SH3RF3: variants seen among roughly 807,000 people sequenced by gnomAD.
The protein encoded by SH3RF3 is SH3 domain containing ring finger 3, also known as E3 ubiquitin-protein ligase SH3RF3.
SH3RF3 carries 29 observed loss-of-function variants against 66.3 expected under a neutral mutation model. That is an observed-to-expected ratio of 0.44 (90% CI 0.33 to 0.60). The LOEUF (loss-of-function observed/expected upper bound fraction) is 0.60, where lower values mean the gene tolerates loss of function less well. SH3RF3 is among the 20% of genes least tolerant of loss of function. The pLI is 0.04. For missense variants in SH3RF3, 1,194 were observed against 1,190.9 expected (o/e 1.00, Z -0.04); for synonymous variants, 583 against 532.0 (o/e 1.10, Z -1.32).
chr2:109,329,664 C>T (rs1167889619), intron 1 of SH3RF3, among the ~76,000 whole-genome samples: 1 of 152,108 alleles, frequency 6.6e-6, no homozygotes, highest in Admixed American at 6.5e-5. Flanking sequence ...TTTCTAGAGG[C>T]TGCAAGAGGG....
chr2:109,135,123 A>C (rs376969205), intron 1 of SH3RF3, among the ~76,000 whole-genome samples: 19 of 152,226 alleles, frequency 1.2e-4, no homozygotes, highest in Middle Eastern at 3.2e-3. Flanking sequence ...GACAACACCC[A>C]GTAGTGGAGA....
intron 1 of SH3RF3, among the ~76,000 whole-genome samples, chr2:109,213,808 G>T (rs1253506273): frequency 1.3e-5 from 2 of 152,220 alleles, no homozygotes; most frequent in Non-Finnish European, 1.5e-5. Flanking sequence ...GTGTGGTGTG[G>T]TGTGGTGGAT....
At chr2:109,225,183 C>T (rs1679344240) in intron 1 of SH3RF3, among the ~76,000 whole-genome samples, 1 of 152,172 alleles carries the variant, frequency 6.6e-6, no homozygotes, top group Admixed American at 6.5e-5. Flanking sequence ...TCTGCTAGTT[C>T]TGAGATTCTA....
chr2:109,248,729 T>C (rs72937586), intron 1 of SH3RF3, among the ~76,000 whole-genome samples: 2,980 of 152,222 alleles, frequency 0.02, 108 homozygotes, highest in African/African-American at 0.068. Context: ...CCTTCTTTTC[T>C]TTCTTCCTTT....
chr2:109,274,957 T>C (rs1156811494), intron 1 of SH3RF3, among the ~76,000 whole-genome samples: 1 of 152,114 alleles, frequency 6.6e-6, no homozygotes, highest in Non-Finnish European at 1.5e-5. Context: ...TTTAAAATGG[T>C]TAATTTCCTG....
intron 2 of SH3RF3, among the ~76,000 whole-genome samples, chr2:109,358,924 A>G (rs1198640626): frequency 6.6e-6 from 1 of 152,158 alleles, no homozygotes; most frequent in Non-Finnish European, 1.5e-5. Flanking sequence ...TATATTTTAC[A>G]TTTAGGTCTG....
At chr2:109,371,218 A>G (rs1007952271) in intron 2 of SH3RF3, among the ~76,000 whole-genome samples, 2 of 152,192 alleles carry the variant, frequency 1.3e-5, no homozygotes, top group Non-Finnish European at 2.9e-5. Context: ...GCAAGACACC[A>G]TCTCTACCAA....
chr2:109,412,668 G>A (rs1003626237), intron 4 of SH3RF3, among the ~76,000 whole-genome samples: 6 of 152,338 alleles, frequency 3.9e-5, no homozygotes, highest in African/African-American at 1.4e-4. Flanking sequence ...CGGGCTTACC[G>A]TCAGCCAGAC....
chr2:109,307,226 C>A (rs1005735430), intron 1 of SH3RF3, among the ~76,000 whole-genome samples: 7 of 152,134 alleles, frequency 4.6e-5, no homozygotes, highest in South Asian at 2.1e-4. Context: ...TTCATAATTA[C>A]CTTTTTGCAC....
chr2:109,445,614 T>A (rs945815040), intron 7 of SH3RF3, among the ~76,000 whole-genome samples: 2 of 151,948 alleles, frequency 1.3e-5, no homozygotes, highest in Admixed American at 1.3e-4. Flanking sequence ...GTTAATAAAT[T>A]ATGGGGGAAA....
At chr2:109,483,295 G>A (rs964912972) in intron 8 of SH3RF3, among the ~76,000 whole-genome samples, 1 of 152,178 alleles carries the variant, frequency 6.6e-6, no homozygotes, top group Admixed American at 6.5e-5. Context: ...ATAAGTCCCC[G>A]TTTCTTTCTT....
chr2:109,446,973 G>A (rs1380896863), intron 7 of SH3RF3, among the ~76,000 whole-genome samples: 1 of 151,898 alleles, frequency 6.6e-6, no homozygotes, highest in African/African-American at 2.4e-5. Context: ...GCTGAGGGGA[G>A]AGACGAATAA....
chr2:109,330,249 G>A (rs1682253327), intron 1 of SH3RF3, among the ~76,000 whole-genome samples: 1 of 152,176 alleles, frequency 6.6e-6, no homozygotes, highest in African/African-American at 2.4e-5. Context: ...GCAGAAAGAA[G>A]AATGTTGCCT....
intron 1 of SH3RF3, among the ~76,000 whole-genome samples, chr2:109,159,650 G>T (rs985720168): frequency 1.3e-5 from 2 of 152,230 alleles, no homozygotes; most frequent in African/African-American, 4.8e-5. Flanking sequence ...TGCACAGCAG[G>T]AGGTGAGTGG....
intron 1 of SH3RF3, among the ~76,000 whole-genome samples, chr2:109,217,825 C>T (rs1382948060): frequency 6.6e-6 from 1 of 152,178 alleles, no homozygotes; most frequent in Admixed American, 6.5e-5. Flanking sequence ...CTGGACACCA[C>T]CAGCTTCCCC....
chr2:109,399,673 A>T (rs1474616696), intron 4 of SH3RF3, among the ~76,000 whole-genome samples: 1 of 152,238 alleles, frequency 6.6e-6, no homozygotes, highest in Non-Finnish European at 1.5e-5. Flanking sequence ...AATGAACAAT[A>T]TTTAGTAAGT....
intron 5 of SH3RF3, among the ~76,000 whole-genome samples, chr2:109,431,251 G>A (rs1677205199): frequency 6.6e-6 from 1 of 152,190 alleles, no homozygotes; most frequent in East Asian, 1.9e-4. Flanking sequence ...TCCCCACCCA[G>A]CAGCCTGCAC....
At chr2:109,371,882 G>A (rs1683280167) in intron 3 of SH3RF3, among the ~76,000 whole-genome samples, 2 of 152,186 alleles carry the variant, frequency 1.3e-5, no homozygotes, top group South Asian at 2.1e-4. Flanking sequence ...GGCCAGTTTT[G>A]AGTGGCTGGT....
intron 1 of SH3RF3, among the ~76,000 whole-genome samples, chr2:109,314,806 G>A (rs1258944384): frequency 5.3e-5 from 8 of 152,152 alleles, no homozygotes; most frequent in African/African-American, 1.4e-4. Context: ...GACAGTACTG[G>A]CATCATATTT....
Sources: gnomAD v4.1 joint callset for allele counts (sites outside exome capture counted in the v4.1 genomes callset) on GRCh38, gnomAD v4.1.1 for gene constraint, MANE v1.5 for transcripts, NCBI Gene and HGNC (gene_info 2026-07-23, HGNC 2026-07-21) for gene names.